Variants in BTBD8 observed in about 807,000 individuals in gnomAD.
BTBD8 encodes the protein BTB/POZ domain-containing protein 8.
In BTBD8, 110 loss-of-function variants were observed where a neutral mutation model predicts 162.9. The observed-to-expected ratio is 0.68, with a 90% CI of 0.58 to 0.79. The LOEUF is 0.79. Among genes scored for constraint, BTBD8 ranks in the 30% least tolerant of loss-of-function variants. The pLI is 0.00. For missense variants in BTBD8, 1,905 were observed against 2,085.4 expected, an observed-to-expected ratio of 0.91 and a Z score of 1.68; for synonymous variants, 667 against 716.1, an observed-to-expected ratio of 0.93 and a Z score of 1.10.
intron 9 of BTBD8, among the ~76,000 whole-genome samples, chr1:92,156,835 T>A (rs1278684255): frequency 6.6e-6 from 1 of 152,108 alleles, no homozygotes; most frequent in Non-Finnish European, 1.5e-5. Flanking sequence ...TCTCTGCTTT[T>A]TTTCTTAGTA....
At chr1:92,113,037 C>T (rs538712162) in intron 4 of BTBD8, among the ~76,000 whole-genome samples, 5 of 151,994 alleles carry the variant, frequency 3.3e-5, no homozygotes, top group Admixed American at 6.6e-5. Flanking sequence ...AGCAGCAAGG[C>T]GGAAATTAGG....
At position 92,177,822 on chromosome 1, in the gene BTBD8, C is replaced by T; in HGVS notation, c.2365C>T (p.Arg789Ter). The T allele has an allele frequency of 1.3e-6, 2 of 1,532,224 alleles. No homozygotes were observed. Among genetic ancestry groups the T allele is most frequent in the Non-Finnish European group, 1.8e-6 (2 of 1,130,596 alleles). 94.9% of individuals were successfully genotyped at this position (1,532,224 alleles called of 1,614,324 possible). Residue 789 changes from arginine (R) to a stop codon, truncating the protein, a stop_gained, in exon 15 of 18, where the codon CGA (arginine) becomes TGA (stop). Coordinates refer to ENST00000636805, the MANE Select transcript of BTBD8 (RefSeq NM_001376131.1). LOFTEE classifies it high-confidence loss of function. ...VKNSTVAIKS[R>*]PVSRVTNGTS... ...TTCTTAATTTATAGCCATAAAATCT[C>T]GACCTGTTTCAAGAGTTACCAATGG... is the stretch of plus-strand genomic sequence containing the variant.
At chr1:92,183,838 T>A in intron 17 of BTBD8, 26 bp from the exon 18 acceptor site, 1 of 1,486,996 alleles carries the variant, frequency 6.7e-7, no homozygotes, top group Non-Finnish European at 9.1e-7. Context: ...AATTTTTACA[T>A]TGTGTAGTAT....
At chr1:92,091,207 A>T (rs1333486784) in intron 2 of BTBD8, among the ~76,000 whole-genome samples, 1 of 152,018 alleles carries the variant, frequency 6.6e-6, no homozygotes, top group Non-Finnish European at 1.5e-5. Flanking sequence ...CTGGTTGTTT[A>T]CAAGTGTGTA....
chr1:92,087,671 G>A (rs1570712006), intron 1 of BTBD8, among the ~76,000 whole-genome samples: 1 of 152,142 alleles, frequency 6.6e-6, no homozygotes, highest in Non-Finnish European at 1.5e-5. Context: ...TATAATAGAG[G>A]TATGTACTGA....
intron 1 of BTBD8, among the ~76,000 whole-genome samples, chr1:92,087,231 A>C (rs1190925431): frequency 1.3e-5 from 2 of 151,526 alleles, no homozygotes; most frequent in Non-Finnish European, 2.9e-5. Context: ...AGCATCTGTT[A>C]GCAACAAGGT....
At chr1:92,150,204 G>C (rs773506117) in intron 9 of BTBD8, among the ~76,000 whole-genome samples, 7 of 152,160 alleles carry the variant, frequency 4.6e-5, no homozygotes, top group Non-Finnish European at 1.0e-4. Flanking sequence ...CAAGAGTTAA[G>C]TTCCTATGGC....
intron 9 of BTBD8, among the ~76,000 whole-genome samples, chr1:92,152,601 G>T (rs1364130642): frequency 1.3e-5 from 2 of 152,040 alleles, no homozygotes; most frequent in African/African-American, 4.8e-5. Context: ...GATGAGTCTG[G>T]GGACAGGCTA....
At chr1:92,084,662 G>A (rs2101889873) in intron 1 of BTBD8, among the ~76,000 whole-genome samples, 1 of 152,246 alleles carries the variant, frequency 6.6e-6, no homozygotes. Flanking sequence ...TGCCACCACT[G>A]GACTCTCTCC....
chr1:92,159,010 G>C (rs1650224670), intron 9 of BTBD8, among the ~76,000 whole-genome samples: 1 of 152,252 alleles, frequency 6.6e-6, no homozygotes, highest in East Asian at 1.9e-4. Context: ...ACCTAGTTCA[G>C]CTTCTGAAAG....
chr1:92,177,328 C>T lies in BTBD8; in HGVS notation c.2135C>T (p.Ala712Val). The T allele has an allele frequency of 6.4e-7, 1 of 1,551,886 alleles. No homozygotes were observed. Among genetic ancestry groups the T allele is most frequent in the East Asian group, 2.4e-5 (1 of 40,920 alleles). ...VQAKAKPLKK[A>V]TGKDSPCLSI... ...GCCAAAGCAAAGCCTTTGAAGAAAG[C>T]TACAGGGAAGGATTCACCATGCCTC... Residue 712 changes from alanine (A) to valine (V), a missense_variant, in exon 14 of 18, where the codon GCT becomes GTT. By Grantham distance (64) the Ala-to-Val change is moderately conservative (BLOSUM62 0). Transcript: ENST00000636805.
intron 5 of BTBD8, among the ~76,000 whole-genome samples, chr1:92,136,056 T>C (rs1159691265): frequency 3.3e-5 from 5 of 152,136 alleles, no homozygotes; most frequent in Non-Finnish European, 7.4e-5. Flanking sequence ...TATTTGACTT[T>C]ATTTCCTAAG....
intron 7 of BTBD8, among the ~76,000 whole-genome samples, chr1:92,146,062 A>G (rs1267894216): frequency 2.0e-5 from 3 of 152,188 alleles, no homozygotes; most frequent in Non-Finnish European, 2.9e-5. Context: ...CTCATTGCAC[A>G]ATTACTTTAA....
Position 92,180,609 on chromosome 1 carries a change from A to G in BTBD8, c.2926A>G (p.Asn976Asp), listed in dbSNP as rs570186992. 1 of 1,551,210 alleles carries G rather than the reference A, an allele frequency of 6.4e-7. No homozygotes were observed. The highest frequency in any genetic ancestry group is 1.4e-5 in the African/African-American group (1 of 73,126). ...AAGTATGTTTCATGATGTGCGTGAT[A>G]ATAACAACAAGGACAGTGTTTCTGA... Reference protein sequence around the residue: ...QKSMFHDVRDNNNKDSVSEQK... With the variant: ...QKSMFHDVRDDNNKDSVSEQK... The change falls in exon 17 of 18, where the codon AAT (asparagine) becomes GAT (aspartate). Residue 976 changes from asparagine (N) to aspartate (D), a missense_variant. Coordinates refer to ENST00000636805, the MANE Select transcript of BTBD8 (RefSeq NM_001376131.1).
chr1:92,143,969 C>CTT lies in BTBD8; in HGVS notation c.930+2778_930+2779dup, dbSNP rs935357789. Among the ~76,000 whole-genome samples, 73 of 103,194 alleles carry CTT rather than the reference C, an allele frequency of 7.1e-4. 1 individual carries two copies. The highest frequency in any genetic ancestry group is 9.8e-4 in the South Asian group (3 of 3,064). The allele number at this position is 103,194 out of a possible 152,430, so 67.7% of individuals were successfully genotyped here. A position where few individuals can be genotyped will look rare whatever the true frequency, so the allele number is the denominator to read the frequency against. On this transcript the variant is annotated intron_variant, in intron 7 of 17. Transcript: ENST00000636805. ...TATATATAATTTTGAACTTTTAGTTCTTTTTTTTTTTTTTTTTTTTTGAGT... is the reference window on the plus strand; with the variant it reads ...TATATATAATTTTGAACTTTTAGTTCTTTTTTTTTTTTTTTTTTTTTTTGAGT...
At chr1:92,091,825 T>G (rs548180427) in intron 2 of BTBD8, among the ~76,000 whole-genome samples, 48 of 152,236 alleles carry the variant, frequency 3.2e-4, no homozygotes, top group Non-Finnish European at 5.7e-4. Context: ...TTAATTGCCA[T>G]GTATTGCGTA....
intron 7 of BTBD8, 123 bp downstream of exon 7, chr1:92,141,334 T>C (rs1570741578): frequency 2.0e-6 from 2 of 1,013,200 alleles, no homozygotes; most frequent in South Asian, 1.8e-5. Context: ...ATTTAACTAA[T>C]GAGAACTCCA....
At chr1:92,103,756 G>A (rs1435712621) in intron 3 of BTBD8, among the ~76,000 whole-genome samples, 2 of 152,182 alleles carry the variant, frequency 1.3e-5, no homozygotes, top group East Asian at 1.9e-4. Context: ...ATGACTTCCA[G>A]GGGAGGAATG....
chr1:92,130,947 C>T (rs1649501211), intron 5 of BTBD8, among the ~76,000 whole-genome samples: 2 of 152,194 alleles, frequency 1.3e-5, no homozygotes, highest in Admixed American at 6.5e-5. Context: ...AAGTAATTCA[C>T]CTTGCCTTGG....
Sources: gnomAD v4.1 joint callset for allele counts (sites outside exome capture counted in the v4.1 genomes callset) on GRCh38, gnomAD v4.1.1 for gene constraint, MANE v1.5 for transcripts, NCBI Gene and HGNC (gene_info 2026-07-23, HGNC 2026-07-21) for gene names.